The following AVEN variants were observed in gnomAD, a reference collection of about 807,000 sequenced individuals.
AVEN encodes the protein apoptosis and caspase activation inhibitor.
Under a neutral mutation model 38.1 loss-of-function variants are expected in AVEN, and 41 were observed. That is an observed-to-expected ratio of 1.08 (90% CI 0.84 to 1.40). The LOEUF (loss-of-function observed/expected upper bound fraction) is 1.40, where lower values mean the gene tolerates loss of function less well. AVEN is among the 40% of genes most tolerant of loss of function. The pLI is 0.00. For synonymous variants in AVEN, 206 were observed against 171.8 expected, an observed-to-expected ratio of 1.20 and a Z score of -1.56; for missense variants, 605 against 438.8, an observed-to-expected ratio of 1.38 and a Z score of -3.38.
At chr15:33,864,189 G>A, downstream of AVEN, 1 of 1,609,376 alleles carries the variant, frequency 6.2e-7, no homozygotes, top group Non-Finnish European at 8.5e-7. Context: ...ACACGGGTCA[G>A]GTGAGAAATT....
intron 2 of AVEN, among the ~76,000 whole-genome samples, chr15:33,903,512 C>T (rs1337920923): frequency 6.6e-6 from 1 of 152,098 alleles, no homozygotes; most frequent in Non-Finnish European, 1.5e-5. Context: ...CAACTAAGAC[C>T]CTGATTGATA....
At chr15:33,857,795 G>A (rs767925030), downstream of AVEN, 30 of 1,613,872 alleles carry the variant, frequency 1.9e-5, no homozygotes, top group East Asian at 2.2e-5. Context: ...TCTGACTGTC[G>A]GTCTCCTGGC....
At chr15:33,930,209 C>A (rs1893787910) in intron 2 of AVEN, among the ~76,000 whole-genome samples, 1 of 152,126 alleles carries the variant, frequency 6.6e-6, no homozygotes, top group Non-Finnish European at 1.5e-5. Flanking sequence ...TTGTTTCCTA[C>A]TCTAAGAGTG....
chr15:34,022,187 G>C (rs1898231754), intron 1 of AVEN, among the ~76,000 whole-genome samples: 1 of 152,156 alleles, frequency 6.6e-6, no homozygotes. Context: ...GACATCAAAT[G>C]AATGGCATCA....
At chr15:33,931,557 A>C (rs951842011) in intron 2 of AVEN, among the ~76,000 whole-genome samples, 5 of 151,660 alleles carry the variant, frequency 3.3e-5, no homozygotes, top group African/African-American at 1.2e-4. Flanking sequence ...TTTTTAGTAG[A>C]GGCGGGGTTT....
chr15:33,985,439 C>T (rs1896390960), intron 2 of AVEN, among the ~76,000 whole-genome samples: 1 of 83,584 alleles, frequency 1.2e-5, no homozygotes, highest in African/African-American at 5.1e-5. Flanking sequence ...GTTCCTTTTT[C>T]AGTAAGAGTA....
At chr15:34,041,794 T>C (rs1185109382), upstream of AVEN, among the ~76,000 whole-genome samples, 2 of 152,146 alleles carry the variant, frequency 1.3e-5, no homozygotes, top group Non-Finnish European at 2.9e-5. Flanking sequence ...ATAAGAAAAC[T>C]GAGTTGCAAA....
intron 2 of AVEN, among the ~76,000 whole-genome samples, chr15:33,876,439 G>A (rs1391944424): frequency 9.5e-6 from 1 of 105,584 alleles, no homozygotes; most frequent in East Asian, 2.8e-4. Flanking sequence ...GGGCGTGGTG[G>A]CACGTGCCTA....
At chr15:33,888,967 C>G (rs1443753803) in intron 2 of AVEN, among the ~76,000 whole-genome samples, 1 of 152,032 alleles carries the variant, frequency 6.6e-6, no homozygotes, top group Non-Finnish European at 1.5e-5. Context: ...CCACCTGCCT[C>G]GGCCTCCCAA....
chr15:34,045,197 C>T (rs760832271), intron 5 of AVEN, among the ~76,000 whole-genome samples: 8 of 152,178 alleles, frequency 5.3e-5, no homozygotes, highest in Non-Finnish European at 1.0e-4. Context: ...AGTTCAAGGA[C>T]TATCGTATAT....
chr15:34,032,596 G>A (rs191525816), intron 1 of AVEN, among the ~76,000 whole-genome samples: 1 of 152,292 alleles, frequency 6.6e-6, no homozygotes, highest in African/African-American at 2.4e-5. Context: ...GATCTTAGCT[G>A]TCCTCAAAAC....
chr15:33,921,899 A>G (rs36185638), intron 2 of AVEN, among the ~76,000 whole-genome samples: 104,367 of 151,452 alleles, frequency 0.69, 36,287 homozygotes, highest in East Asian at 0.8. Context: ...TTAGCAGCAA[A>G]CCTACAGTTC....
intron 3 of AVEN, among the ~76,000 whole-genome samples, chr15:33,875,024 G>T (rs1338370074): frequency 6.6e-6 from 1 of 152,182 alleles, no homozygotes; most frequent in Non-Finnish European, 1.5e-5. Flanking sequence ...TTTGTAAAGT[G>T]CCAGGCAGTC....
chr15:33,880,175 G>T (rs1167634522), intron 2 of AVEN, among the ~76,000 whole-genome samples: 1 of 152,058 alleles, frequency 6.6e-6, no homozygotes, highest in Non-Finnish European at 1.5e-5. Flanking sequence ...CTGAGAACGA[G>T]GAACCAGGCG....
chr15:33,920,557 T>C (rs1476998642), intron 2 of AVEN, among the ~76,000 whole-genome samples: 3 of 152,174 alleles, frequency 2.0e-5, no homozygotes, highest in African/African-American at 7.2e-5. Context: ...CACTTTTATC[T>C]TTCAACGAAA....
chr15:33,881,079 AATTTT>A (rs1418299346), intron 2 of AVEN, among the ~76,000 whole-genome samples: 1 of 152,138 alleles, frequency 6.6e-6, no homozygotes, highest in Non-Finnish European at 1.5e-5. Flanking sequence ...TATAGAAGCT[AATTTT>A]ATTTTATTTT....
chr15:33,860,930 ATGTATGGC>A, intron 11 of AVEN: 3 of 563,914 alleles, frequency 5.3e-6, no homozygotes, highest in East Asian at 1.1e-4. Context: ...CTAATAGCCA[ATGTATGGC>A]ACTACTGAGT....
At chr15:34,055,582 A>ACT (rs1900110249) in intron 5 of AVEN, among the ~76,000 whole-genome samples, 1 of 151,966 alleles carries the variant, frequency 6.6e-6, no homozygotes, top group Admixed American at 6.6e-5. Context: ...TGGGCGGATC[A>ACT]TGAGGTCAGG....
At chr15:33,947,604 A>T (rs1402039134) in intron 2 of AVEN, among the ~76,000 whole-genome samples, 1 of 152,174 alleles carries the variant, frequency 6.6e-6, no homozygotes, top group Non-Finnish European at 1.5e-5. Context: ...AACATACAAC[A>T]TCCTCCTGTA....
Sources: gnomAD v4.1 joint callset for allele counts (sites outside exome capture counted in the v4.1 genomes callset) on GRCh38, gnomAD v4.1.1 for gene constraint, MANE v1.5 for transcripts, NCBI Gene and HGNC (gene_info 2026-07-23, HGNC 2026-07-21) for gene names.